C8orf34: variants seen among roughly 807,000 people sequenced by gnomAD.
C8orf34 encodes uncharacterized protein C8orf34.
Under a neutral mutation model 68.3 loss-of-function variants are expected in C8orf34, and 65 were observed. The observed-to-expected ratio is 0.95, with a 90% confidence interval of 0.78 to 1.17. C8orf34 has a LOEUF of 1.17. Ranked by LOEUF, C8orf34 falls within the 50% of genes most tolerant of loss-of-function variation. The pLI, the probability that C8orf34 is intolerant of heterozygous loss-of-function variation, is 0.00. For synonymous variants in C8orf34, 244 were observed against 241.2 expected (o/e 1.01, Z -0.11); for missense variants, 664 against 655.4 (o/e 1.01, Z -0.14).
chr8:68,521,322 T>A (rs1033113901), intron 5 of C8orf34, among the ~76,000 whole-genome samples: 7 of 152,214 alleles, frequency 4.6e-5, no homozygotes, highest in African/African-American at 1.7e-4. Context: ...GTGTTTCGAA[T>A]TTCTACTGGA....
intron 1 of C8orf34, among the ~76,000 whole-genome samples, chr8:68,398,722 G>C (rs1053620951): frequency 1.3e-5 from 2 of 152,104 alleles, no homozygotes; most frequent in Admixed American, 1.3e-4. Flanking sequence ...CCTTATCAAA[G>C]ACATGATTTT....
At chr8:68,656,350 TTCATGTAATTCCAG>T (rs1819510710) in intron 8 of C8orf34, among the ~76,000 whole-genome samples, 2 of 152,206 alleles carry the variant, frequency 1.3e-5, no homozygotes, top group Non-Finnish European at 2.9e-5. Context: ...CAGACATTAA[TTCATGTAATTCCAG>T]TCCTTGTAAT....
At chr8:68,353,900 T>G (rs1281726035) in intron 1 of C8orf34, among the ~76,000 whole-genome samples, 1 of 151,890 alleles carries the variant, frequency 6.6e-6, no homozygotes, top group Non-Finnish European at 1.5e-5. Context: ...CTATGCCATT[T>G]TATATAAGGA....
At chr8:68,607,674 T>C (rs1434648831) in intron 7 of C8orf34, among the ~76,000 whole-genome samples, 2 of 152,120 alleles carry the variant, frequency 1.3e-5, no homozygotes, top group Non-Finnish European at 2.9e-5. Context: ...TCCAGATTTA[T>C]TGTAAAGTTA....
At position 68,818,349 on chromosome 8, in the gene C8orf34, G is replaced by A; in HGVS notation, c.*103G>A. 5.4e-6 allele frequency: 7 copies of A among 1,302,136 alleles called. No homozygotes were observed. The highest frequency in any genetic ancestry group is 7.7e-6 in the Non-Finnish European group (7 of 912,536). 80.7% of individuals were successfully genotyped at this position (1,302,136 alleles called of 1,614,324 possible). ...TACTATGTGTAATCATTTAGAGAAT[G>A]GTTATTTTTATAATCTCAATAATAA... On this transcript the variant is annotated 3_prime_UTR_variant, in exon 14 of 14. Coordinates refer to ENST00000518698, the MANE Select transcript of C8orf34 (RefSeq NM_052958.4).
chr8:68,642,079 T>A (rs2130741768), intron 8 of C8orf34, among the ~76,000 whole-genome samples: 1 of 152,330 alleles, frequency 6.6e-6, no homozygotes, highest in Admixed American at 6.5e-5. Flanking sequence ...TCCAGAGTAA[T>A]ACAACCAATA....
At chr8:68,648,154 G>T (rs1027766804) in intron 8 of C8orf34, among the ~76,000 whole-genome samples, 2 of 152,118 alleles carry the variant, frequency 1.3e-5, no homozygotes, top group Admixed American at 1.3e-4. Context: ...ACTTATAGAA[G>T]ATTCCACAAA....
At chr8:68,628,483 T>G (rs1324890227) in intron 7 of C8orf34, among the ~76,000 whole-genome samples, 3 of 152,222 alleles carry the variant, frequency 2.0e-5, no homozygotes, top group Non-Finnish European at 4.4e-5. Flanking sequence ...AAAAATGTTT[T>G]CATACACGTT....
intron 4 of C8orf34, among the ~76,000 whole-genome samples, chr8:68,474,637 G>T (rs191288040): frequency 6.6e-6 from 1 of 152,188 alleles, no homozygotes; most frequent in African/African-American, 2.4e-5. Flanking sequence ...TTGATACAAC[G>T]TCAATATATT....
At chr8:68,501,453 C>T (rs1177215648) in intron 5 of C8orf34, among the ~76,000 whole-genome samples, 2 of 152,144 alleles carry the variant, frequency 1.3e-5, no homozygotes, top group East Asian at 1.9e-4. Context: ...TGTAAGGAAT[C>T]TGTGAATCAA....
At position 68,652,116 on chromosome 8, in the gene C8orf34, C is replaced by T. The variant is rs77031920; in HGVS notation, c.1241+11605C>T. ...TCCCCCACACCTCCTTTACAAAATA[C>T]ATCCTTAAGCAAGATGCCTGACAGA... is the stretch of plus-strand genomic sequence containing the variant. On this transcript the variant is annotated intron_variant, in intron 8 of 13. Transcript: ENST00000518698. Among the ~76,000 whole-genome samples, 895 of 152,290 alleles carry T rather than the reference C, an allele frequency of 5.9e-3. 15 individuals are homozygous for T. The highest frequency in any genetic ancestry group is 0.021 in the African/African-American group (860 of 41,550).
chr8:68,342,353 TA>T (rs1325141035), intron 1 of C8orf34, among the ~76,000 whole-genome samples: 12 of 152,112 alleles, frequency 7.9e-5, no homozygotes, highest in African/African-American at 2.9e-4. Flanking sequence ...TCAGCAAAAT[TA>T]AAAACTTTTG....
chr8:68,618,089 A>T (rs548273219), intron 7 of C8orf34, among the ~76,000 whole-genome samples: 1 of 151,982 alleles, frequency 6.6e-6, no homozygotes, highest in Admixed American at 6.6e-5. Flanking sequence ...AAATCTTACT[A>T]TCATCTTGTC....
At chr8:68,620,802 T>A (rs1485558753) in intron 7 of C8orf34, among the ~76,000 whole-genome samples, 3 of 151,698 alleles carry the variant, frequency 2.0e-5, no homozygotes, top group Admixed American at 6.6e-5. Flanking sequence ...TTTTCCCCCA[T>A]TACCCAATAA....
intron 12 of C8orf34, among the ~76,000 whole-genome samples, chr8:68,814,972 A>G (rs2129530097): frequency 6.6e-6 from 1 of 152,322 alleles, no homozygotes; most frequent in South Asian, 2.1e-4. Context: ...CGATGCTTCA[A>G]AAATCAGATA....
intron 7 of C8orf34, among the ~76,000 whole-genome samples, chr8:68,597,768 T>C (rs556964935): frequency 7.3e-4 from 111 of 152,300 alleles, no homozygotes; most frequent in Admixed American, 2.2e-3. Context: ...GTAATATAAC[T>C]ACTAGGAAAG....
Position 68,807,980 on chromosome 8 carries a change from C to CT in C8orf34, c.1550-7896dup, listed in dbSNP as rs934881174. Among the ~76,000 whole-genome samples, 724 of 149,646 alleles carry CT rather than the reference C, an allele frequency of 4.8e-3. 4 individuals are homozygous for CT. Among genetic ancestry groups the CT allele is most frequent in the African/African-American group, 0.016 (652 of 41,056 alleles). ...ATTTCTCAGTAAGATTACAACTCCA[C>CT]TTTTTTTTTTCCTTTAGCCTGGGAG... On this transcript the variant is annotated intron_variant, in intron 12 of 13. Coordinates refer to ENST00000518698, the MANE Select transcript of C8orf34 (RefSeq NM_052958.4).
intron 4 of C8orf34, among the ~76,000 whole-genome samples, chr8:68,484,498 A>G (rs2253840): frequency 0.058 from 8,798 of 152,190 alleles, 384 homozygotes; most frequent in Middle Eastern, 0.12. Flanking sequence ...CTTCCAACAT[A>G]TCTTCGCAAC....
At chr8:68,485,206 C>A (rs1471972644) in intron 4 of C8orf34, among the ~76,000 whole-genome samples, 1 of 152,170 alleles carries the variant, frequency 6.6e-6, no homozygotes, top group Non-Finnish European at 1.5e-5. Flanking sequence ...TTCTGTGTGA[C>A]ACACATTTTG....
Sources: gnomAD v4.1 joint callset for allele counts (sites outside exome capture counted in the v4.1 genomes callset) on GRCh38, gnomAD v4.1.1 for gene constraint, MANE v1.5 for transcripts, NCBI Gene and HGNC (gene_info 2026-07-23, HGNC 2026-07-21) for gene names.